Variants in COL12A1 observed in about 807,000 individuals in gnomAD.
COL12A1 encodes collagen alpha-1(XII) chain.
In COL12A1, 114 loss-of-function variants were observed where a neutral mutation model predicts 349.7. The observed-to-expected ratio is 0.33, with a 90% CI of 0.28 to 0.38. The LOEUF (loss-of-function observed/expected upper bound fraction) is 0.38, where lower values mean the gene tolerates loss of function less well. Ranked by LOEUF, COL12A1 falls within the 10% of genes least tolerant of loss-of-function variation. COL12A1 has a pLI of 1.00. For synonymous variants in COL12A1, 1,369 were observed against 1,329.0 expected, an observed-to-expected ratio of 1.03 and a Z score of -0.66; for missense variants, 3,284 against 3,756.9, an observed-to-expected ratio of 0.87 and a Z score of 3.29.
intron 22 of COL12A1, 92 bp from the exon 23 acceptor site, chr6:75,147,896 T>C (rs1767283670): frequency 7.6e-7 from 1 of 1,324,266 alleles, no homozygotes; most frequent in Non-Finnish European, 1.0e-6. Context: ...GCAGTGAGCT[T>C]AGAATCTATA....
chr6:75,190,916 T>C (rs73463821), intron 5 of COL12A1, among the ~76,000 whole-genome samples: 1 of 151,924 alleles, frequency 6.6e-6, no homozygotes, highest in Admixed American at 6.6e-5. Context: ...GAAATAATGA[T>C]AAACAGTGAT....
At chr6:75,172,490 C>T (rs1181360916) in intron 13 of COL12A1, among the ~76,000 whole-genome samples, 1 of 152,088 alleles carries the variant, frequency 6.6e-6, no homozygotes, top group Non-Finnish European at 1.5e-5. Context: ...TTCACAAATA[C>T]AATCTACATC....
At chr6:75,105,436 GA>G in intron 53 of COL12A1, 144 bp from the exon 54 acceptor site, 2 of 633,284 alleles carry the variant, frequency 3.2e-6, no homozygotes, top group Non-Finnish European at 5.6e-6. Flanking sequence ...GTCTTATGTT[GA>G]AACTTGCTGT....
intron 1 of COL12A1, among the ~76,000 whole-genome samples, chr6:75,204,462 G>C (rs1339387578): frequency 6.6e-6 from 1 of 152,136 alleles, no homozygotes; most frequent in African/African-American, 2.4e-5. Context: ...TCTCGCGCCG[G>C]GATATCGGAA....
intron 24 of COL12A1, among the ~76,000 whole-genome samples, chr6:75,145,890 C>T (rs1225723403): frequency 6.6e-6 from 1 of 152,160 alleles, no homozygotes; most frequent in Admixed American, 6.5e-5. Context: ...CCTCCGCCTC[C>T]CAAAGTGCTG....
At chr6:75,094,073 T>C (rs1355381242) in intron 60 of COL12A1, among the ~76,000 whole-genome samples, 1 of 152,174 alleles carries the variant, frequency 6.6e-6, no homozygotes, top group Non-Finnish European at 1.5e-5. Context: ...GCAAACGTAA[T>C]TATGGTTTTT....
chr6:75,179,165 A>C (rs967279673), intron 11 of COL12A1, among the ~76,000 whole-genome samples: 4 of 152,194 alleles, frequency 2.6e-5, no homozygotes, highest in Admixed American at 6.5e-5. Context: ...TTACATTGGA[A>C]ACTTTCTTAT....
At chr6:75,091,197 G>A (rs572860110) in intron 62 of COL12A1, 126 bp downstream of exon 62, 1 of 741,074 alleles carries the variant, frequency 1.3e-6, no homozygotes, top group Admixed American at 2.7e-5. Flanking sequence ...CAATGTATAA[G>A]AACAAAAGCT....
chr6:75,157,857 C>T (rs1213882725), intron 14 of COL12A1, among the ~76,000 whole-genome samples: 1 of 151,992 alleles, frequency 6.6e-6, no homozygotes, highest in Non-Finnish European at 1.5e-5. Flanking sequence ...TTCCCCCTAC[C>T]CAGAAGAGAA....
chr6:75,113,739 A>G lies in COL12A1; in HGVS notation c.7703T>C (p.Leu2568Pro). The G allele has an allele frequency of 6.3e-7, 1 of 1,587,824 alleles. No individual in the cohort carries two copies. Among genetic ancestry groups the G allele is most frequent in the South Asian group, 1.2e-5 (1 of 86,688 alleles). The change falls in exon 50 of 66, where the codon CTA becomes CCA. Residue 2568 changes from leucine (L) to proline (P), a missense_variant. Around this residue, in one of 2 missense-constraint regions of COL12A1, gnomAD observed 683 missense variants for 932.1 expected, o/e 0.73. Coordinates refer to ENST00000322507, the MANE Select transcript of COL12A1 (RefSeq NM_004370.6). The stretch of plus-strand genomic sequence containing the variant: ...TGAAGGAGGGAGTCCATTTGGGTGT[A>G]GGTCTCTGTTGGATAAAACAAAAGA... Reference protein sequence around the residue: ...NAFVNQPTADLHPNGLPPSYT... With the variant: ...NAFVNQPTADPHPNGLPPSYT...
chr6:75,191,733 A>T lies in COL12A1; in HGVS notation c.362T>A (p.Val121Glu), dbSNP rs1289931846. 2.5e-6 allele frequency: 4 copies of T among 1,597,432 alleles called. No individual in the cohort carries two copies. Among genetic ancestry groups the T allele is most frequent in the East Asian group, 2.3e-5 (1 of 43,698 alleles). The change falls in exon 5 of 66, where the codon GTG (valine) becomes GAG (glutamate). Residue 121 changes from valine (V) to glutamate (E), a missense_variant. Transcript: ENST00000322507. Reference protein sequence around the residue: ...TIQTGSSTKPVEKKPGKTEIQ... With the variant: ...TIQTGSSTKPEEKKPGKTEIQ... Reference sequence around the variant, plus strand: ...CTCGGTTTTTCCAGGTTTCTTCTCCACTGGCTTTGTCGAACTACCTGTTTG... The same window carrying T: ...CTCGGTTTTTCCAGGTTTCTTCTCCTCTGGCTTTGTCGAACTACCTGTTTG...
chr6:75,109,365 T>C (rs1053879083), intron 51 of COL12A1, among the ~76,000 whole-genome samples, 198 bp from the exon 52 acceptor site: 1 of 152,142 alleles, frequency 6.6e-6, no homozygotes, highest in African/African-American at 2.4e-5. Context: ...ACAAGCCACT[T>C]AACCTCTGGT....
intron 2 of COL12A1, among the ~76,000 whole-genome samples, chr6:75,200,871 G>A (rs769595026): frequency 6.7e-6 from 1 of 150,156 alleles, no homozygotes; most frequent in East Asian, 1.9e-4. Flanking sequence ...GCCAAAAAAT[G>A]AATCCTATTA....
intron 60 of COL12A1, among the ~76,000 whole-genome samples, chr6:75,094,695 C>A (rs953631987): frequency 6.6e-5 from 10 of 152,248 alleles, no homozygotes; most frequent in Admixed American, 3.9e-4. Flanking sequence ...AAATGGAAAG[C>A]TGGATAATGC....
Position 75,160,465 on chromosome 6 carries a change from C to G in COL12A1, c.2984-3942G>C, listed in dbSNP as rs147181737. On this transcript the variant is annotated intron_variant, in intron 14 of 65. Transcript: ENST00000322507. ...CGGGTTTCTGCTGAGTTATCCACACCTTAGGATTCCTCTACCATCTGAATA... is the reference window on the plus strand; with the variant it reads ...CGGGTTTCTGCTGAGTTATCCACACGTTAGGATTCCTCTACCATCTGAATA... Among the ~76,000 whole-genome samples the G allele has an allele frequency of 3.7e-3, 559 of 152,292 alleles. 1 individual carries two copies. The highest frequency in any genetic ancestry group is 0.013 in the African/African-American group (541 of 41,560).
chr6:75,095,509 C>T (rs922561948), intron 59 of COL12A1, among the ~76,000 whole-genome samples: 2 of 150,598 alleles, frequency 1.3e-5, no homozygotes, highest in Non-Finnish European at 2.9e-5. Context: ...CCCAGCTACT[C>T]GGGAGGCTGA....
intron 17 of COL12A1, among the ~76,000 whole-genome samples, chr6:75,153,748 G>A (rs1035028368): frequency 7.2e-5 from 11 of 151,916 alleles, no homozygotes; most frequent in Admixed American, 1.3e-4. Flanking sequence ...CACCACCTCC[G>A]TCTCTAAGAA....
intron 52 of COL12A1, among the ~76,000 whole-genome samples, chr6:75,106,979 G>T (rs1292790678): frequency 1.5e-5 from 2 of 132,950 alleles, no homozygotes; most frequent in Non-Finnish European, 3.1e-5. Flanking sequence ...TTGGCTCACT[G>T]CAACATCTGC....
intron 14 of COL12A1, among the ~76,000 whole-genome samples, chr6:75,162,334 A>G (rs1321377962): frequency 1.3e-5 from 2 of 152,196 alleles, no homozygotes; most frequent in Non-Finnish European, 2.9e-5. Context: ...GGAACAGAAC[A>G]GAGGCCTCAG....
Sources: allele counts gnomAD v4.1 joint callset (sites outside exome capture counted in the v4.1 genomes callset), GRCh38; gene constraint gnomAD v4.1.1; regional missense constraint gnomAD v4.1.1; transcripts MANE v1.5; gene names NCBI Gene and HGNC (gene_info 2026-07-23, HGNC 2026-07-21).